The following ZBBX variants were observed in gnomAD, a reference collection of about 807,000 sequenced individuals.
ZBBX encodes the protein zinc finger B-box domain containing.
Under a neutral mutation model 108.5 loss-of-function variants are expected in ZBBX, and 101 were observed. The observed-to-expected ratio is 0.93, with a 90% CI of 0.79 to 1.10. The LOEUF (loss-of-function observed/expected upper bound fraction) is 1.10, where lower values mean the gene tolerates loss of function less well. Among genes scored for constraint, ZBBX ranks in the 50% least tolerant of loss-of-function variants. The pLI is 0.00. For missense variants in ZBBX, 1,009 were observed against 941.4 expected (o/e 1.07, Z -0.94); for synonymous variants, 356 against 323.4 (o/e 1.10, Z -1.08).
At chr3:167,399,757 A>G (rs1440359238) in intron 1 of ZBBX, among the ~76,000 whole-genome samples, 1 of 152,246 alleles carries the variant, frequency 6.6e-6, no homozygotes, top group Middle Eastern at 3.4e-3. Flanking sequence ...TGTTTGTTAC[A>G]AGGGTATATT....
chr3:167,266,580 T>A (rs546823101), intron 20 of ZBBX, among the ~76,000 whole-genome samples: 2 of 152,184 alleles, frequency 1.3e-5, no homozygotes, highest in South Asian at 4.1e-4. Context: ...AAGTAGCCAA[T>A]TGGGTCAGCT....
At chr3:167,383,921 T>A (rs1189272463), upstream of ZBBX, among the ~76,000 whole-genome samples, 1 of 152,038 alleles carries the variant, frequency 6.6e-6, no homozygotes, top group Non-Finnish European at 1.5e-5. Flanking sequence ...ATGGGAGCAT[T>A]ACATGTTTGT....
At chr3:167,398,550 T>C (rs1748320862) in intron 1 of ZBBX, among the ~76,000 whole-genome samples, 1 of 152,108 alleles carries the variant, frequency 6.6e-6, no homozygotes, top group African/African-American at 2.4e-5. Context: ...TAGTGAATTT[T>C]ATTATGTAAT....
chr3:167,343,437 C>T (rs945360664), intron 9 of ZBBX, among the ~76,000 whole-genome samples: 1 of 151,872 alleles, frequency 6.6e-6, no homozygotes, highest in Non-Finnish European at 1.5e-5. Context: ...ATTCTCCCTA[C>T]CCCTTTCAAT....
intron 17 of ZBBX, 142 bp from the exon 18 acceptor site, chr3:167,298,600 CAAAT>C (rs1732071761): frequency 2.0e-6 from 1 of 510,784 alleles, no homozygotes; most frequent in Non-Finnish European, 3.2e-6. Context: ...ACAGTGGAGA[CAAAT>C]AATAAAACAA....
intron 20 of ZBBX, among the ~76,000 whole-genome samples, chr3:167,276,750 A>G (rs1727664903): frequency 6.6e-6 from 1 of 152,198 alleles, no homozygotes; most frequent in Non-Finnish European, 1.5e-5. Context: ...AGAACGCCAC[A>G]AAGATATTCC....
upstream of ZBBX, among the ~76,000 whole-genome samples, chr3:167,383,235 C>T (rs1490365001): frequency 6.6e-6 from 1 of 152,028 alleles, no homozygotes; most frequent in East Asian, 1.9e-4. Context: ...AGTTTGTGGG[C>T]ATTTCAAGGT....
At chr3:167,305,570 A>T (rs913118813) in intron 17 of ZBBX, 73 bp downstream of exon 17, 2 of 1,148,442 alleles carry the variant, frequency 1.7e-6, no homozygotes, top group African/African-American at 3.2e-5. Context: ...TTGAGAATGT[A>T]TTGTGTCACT....
intron 1 of ZBBX, among the ~76,000 whole-genome samples, chr3:167,398,900 T>G (rs13074760): frequency 0.11 from 16,805 of 152,024 alleles, 1,164 homozygotes; most frequent in Non-Finnish European, 0.16. Context: ...AATCTATTCA[T>G]GGATTAATAG....
At chr3:167,246,961 C>T (rs1342507946) in intron 20 of ZBBX, among the ~76,000 whole-genome samples, 1 of 152,072 alleles carries the variant, frequency 6.6e-6, no homozygotes, top group Non-Finnish European at 1.5e-5. Flanking sequence ...TTGGGTTTAC[C>T]AAGAACATCT....
At chr3:167,267,694 G>A (rs766853335) in intron 20 of ZBBX, among the ~76,000 whole-genome samples, 20 of 152,256 alleles carry the variant, frequency 1.3e-4, no homozygotes, top group Non-Finnish European at 2.4e-4. Flanking sequence ...TAAAAGTTCA[G>A]TGTTCTCAAG....
intron 20 of ZBBX, among the ~76,000 whole-genome samples, chr3:167,269,130 T>C (rs554428165): frequency 1.3e-5 from 2 of 152,322 alleles, no homozygotes; most frequent in African/African-American, 4.8e-5. Context: ...TCAGGGGCTC[T>C]GTCTCTTTTA....
chr3:167,398,998 A>T (rs1577147837), intron 1 of ZBBX, among the ~76,000 whole-genome samples: 1 of 151,014 alleles, frequency 6.6e-6, no homozygotes, highest in East Asian at 1.9e-4. Flanking sequence ...GCTAACAATT[A>T]GCGTGCTCAG....
At chr3:167,359,441 G>A (rs1160457372) in intron 8 of ZBBX, among the ~76,000 whole-genome samples, 3 of 152,018 alleles carry the variant, frequency 2.0e-5, no homozygotes, top group Non-Finnish European at 4.4e-5. Flanking sequence ...TAAAAAAATA[G>A]ACAATGGGAG....
intron 10 of ZBBX, among the ~76,000 whole-genome samples, chr3:167,331,085 C>T (rs1738541164): frequency 6.6e-6 from 1 of 151,868 alleles, no homozygotes. Flanking sequence ...ACTGCCAGCA[C>T]CTTTATCTGG....
At position 167,342,514 on chromosome 3, in the gene ZBBX, TA is replaced by T. The variant is rs59230059; in HGVS notation, c.528+7905del. ...AAAATATGTGTAACCATAATGCTTT[TA>T]AAAAAACACCCCTACATGCATCCAT... On this transcript the variant is annotated intron_variant, in intron 9 of 21. Transcript: ENST00000675490. Among the ~76,000 whole-genome samples, 368 of 151,698 alleles carry T rather than the reference TA, an allele frequency of 2.4e-3. 4 individuals are homozygous for T. Among genetic ancestry groups the T allele is most frequent in the African/African-American group, 8.2e-3 (342 of 41,496 alleles).
rs955541413 is a variant in ZBBX at position 167,301,908 on chromosome 3, G to T, written c.1726-3450C>A. Among the ~76,000 whole-genome samples the T allele has an allele frequency of 2.9e-5, 4 of 136,766 alleles. No individual in the cohort carries two copies. In the East Asian group the frequency reaches 8.8e-4, roughly 30 times the overall value. 89.7% of individuals were successfully genotyped at this position (136,766 alleles called of 152,430 possible). A position where few individuals can be genotyped will look rare whatever the true frequency, so the allele number is the denominator to read the frequency against. On this transcript the variant is annotated intron_variant, in intron 17 of 21. Transcript: ENST00000675490. ...GGAGGCGGAGCTTGCTGTGAGCCAC[G>T]ATGGCACCACTGCACCCCAGCCTGG... is the stretch of plus-strand genomic sequence containing the variant.
chr3:167,196,102 A>G, the ZBBX span, among the ~76,000 whole-genome samples: 3 of 152,148 alleles, frequency 2.0e-5, no homozygotes, highest in East Asian at 5.8e-4. Context: ...TGAATACTCT[A>G]ATGATGAGTT....
chr3:167,227,304 A>G, the ZBBX span, among the ~76,000 whole-genome samples: 49 of 151,816 alleles, frequency 3.2e-4, no homozygotes, highest in Non-Finnish European at 6.6e-4. Flanking sequence ...GCATCCAGAT[A>G]CCCCATTAGT....
Sources: allele counts gnomAD v4.1 joint callset (sites outside exome capture counted in the v4.1 genomes callset), GRCh38; gene constraint gnomAD v4.1.1; transcripts MANE v1.5; gene names NCBI Gene and HGNC (gene_info 2026-07-23, HGNC 2026-07-21).